The following SLC38A9 variants were observed in gnomAD, a reference collection of about 807,000 sequenced individuals.
SLC38A9 encodes solute carrier family 38 member 9.
A neutral mutation model predicts 62.3 loss-of-function variants in SLC38A9; 48 were observed. The ratio of observed to expected loss-of-function variants is 0.77; its 90% CI spans 0.61 to 0.98. The LOEUF is 0.98. SLC38A9 is among the 50% of genes least tolerant of loss of function. SLC38A9 has a pLI of 0.00. For missense variants in SLC38A9, 541 were observed against 679.8 expected (o/e 0.80, Z 2.27); for synonymous variants, 204 against 227.7 (o/e 0.90, Z 0.94).
intron 12 of SLC38A9, among the ~76,000 whole-genome samples, chr5:55,642,177 T>C (rs1745540534): frequency 6.6e-6 from 1 of 152,056 alleles, no homozygotes; most frequent in Non-Finnish European, 1.5e-5. Context: ...TCCTGAGTAG[T>C]GGGGACTACA....
In SLC38A9 at chr5:55,664,749, A is replaced by G. The variant is rs145115923; in HGVS notation, c.641T>C (p.Ile214Thr). Reference protein sequence around the residue: ...FSLVSLIGAMIVYWVLMSNFL... With the variant: ...FSLVSLIGAMTVYWVLMSNFL... ...ATTTGACATAAGCACCCAATAAACT[A>G]TCATTGCTCCAATGAGAGACACCAA... The change falls in exon 8 of 16, where the codon ATA becomes ACA. Residue 214 changes from isoleucine (I) to threonine (T), a missense_variant. By Grantham distance (89) the Ile-to-Thr change is moderately conservative. Transcript: ENST00000396865. The G allele has an allele frequency of 5.3e-5, 84 of 1,583,290 alleles. No homozygotes were observed. The African/African-American group carries it at 9.7e-4, about 18-fold the overall frequency.
At chr5:55,658,453 C>T (rs959030329) in intron 8 of SLC38A9, among the ~76,000 whole-genome samples, 8 of 152,116 alleles carry the variant, frequency 5.3e-5, no homozygotes, top group Non-Finnish European at 8.8e-5. Context: ...CGCGCCCAGC[C>T]CAATTTATAG....
chr5:55,627,659 T>TG (rs144879154), intron 15 of SLC38A9, among the ~76,000 whole-genome samples: 7,414 of 152,082 alleles, frequency 0.049, 307 homozygotes, highest in African/African-American at 0.11. Flanking sequence ...AAGAAAATGA[T>TG]GCCTGAGGCT....
intron 6 of SLC38A9, 58 bp from the exon 7 acceptor site, chr5:55,669,379 T>C: frequency 6.9e-7 from 1 of 1,453,704 alleles, no homozygotes; most frequent in Non-Finnish European, 9.5e-7. Flanking sequence ...TAAATTCATA[T>C]GCAATTATTT....
chr5:55,650,390 C>G (rs1010774147), intron 10 of SLC38A9, among the ~76,000 whole-genome samples: 1 of 152,016 alleles, frequency 6.6e-6, no homozygotes, highest in Non-Finnish European at 1.5e-5. Flanking sequence ...GGGAAAGTAC[C>G]AAGGAAAAGA....
rs1435143802 is a variant in SLC38A9, at chr5:55,645,366, G to T, written c.1167+423C>A. Among the ~76,000 whole-genome samples, 6 of 152,124 alleles carry T rather than the reference G, an allele frequency of 3.9e-5. No homozygotes were observed. In the East Asian group the frequency reaches 7.7e-4, roughly 20 times the overall value. On this transcript the variant is annotated intron_variant, in intron 12 of 15. Coordinates refer to ENST00000396865, the MANE Select transcript of SLC38A9 (RefSeq NM_173514.4). ...CACCACGCCCAGGGTATCTTTAAAAGATTTTACCACCATTAATGGCTTATT... is the reference window on the plus strand; with the variant it reads ...CACCACGCCCAGGGTATCTTTAAAATATTTTACCACCATTAATGGCTTATT...
chr5:55,634,771 C>T (rs940210176), intron 13 of SLC38A9: 1 of 152,138 alleles, frequency 6.6e-6, no homozygotes, highest in South Asian at 2.1e-4. Flanking sequence ...TAATAAATCA[C>T]ATTAGTATAT....
intron 8 of SLC38A9, among the ~76,000 whole-genome samples, chr5:55,659,223 C>T (rs543392993): frequency 4.0e-5 from 6 of 151,114 alleles, no homozygotes; most frequent in Admixed American, 6.6e-5. Flanking sequence ...CTACAAGCAC[C>T]GCTTCAATGC....
Position 55,645,914 on chromosome 5 carries a change from C to T in SLC38A9, c.1061-19G>A, listed in dbSNP as rs1008832970. The T allele has an allele frequency of 8.6e-6, 13 of 1,508,018 alleles. No individual in the cohort carries two copies. The Admixed American group carries it at 1.2e-4, about 14-fold the overall frequency. The allele number at this position is 1,508,018 out of a possible 1,614,324, so 93.4% of individuals were successfully genotyped here. A position where few individuals can be genotyped will look rare whatever the true frequency, so the allele number is the denominator to read the frequency against. On this transcript the variant is annotated intron_variant, in intron 11 of 15. Coordinates refer to ENST00000396865, the MANE Select transcript of SLC38A9 (RefSeq NM_173514.4). ...CTTATCTCTAGGAGAAAAATAAAAA[C>T]AAGAACATTAAAACTGACAATTAGA... is the stretch of plus-strand genomic sequence containing the variant.
intron 3 of SLC38A9, chr5:55,692,483 AT>A (rs937621007): frequency 1.1e-5 from 3 of 278,476 alleles, no homozygotes; most frequent in Non-Finnish European, 1.6e-5. Flanking sequence ...AGGTACTTAC[AT>A]TTTTTCTCAT....
intron 3 of SLC38A9, among the ~76,000 whole-genome samples, chr5:55,689,968 A>G (rs1439457585): frequency 6.6e-6 from 1 of 152,178 alleles, no homozygotes; most frequent in African/African-American, 2.4e-5. Flanking sequence ...TTGATCTAGG[A>G]AAGAAAGAAG....
chr5:55,656,862 T>TC (rs1162317797), intron 8 of SLC38A9, 88 bp from the exon 9 acceptor site: 4 of 624,628 alleles, frequency 6.4e-6, no homozygotes, highest in Non-Finnish European at 1.0e-5. Context: ...ATAAAAATCT[T>TC]TTTTTTTTCT....
intron 4 of SLC38A9, among the ~76,000 whole-genome samples, chr5:55,672,227 G>GCAGAA (rs1751444098): frequency 6.6e-6 from 1 of 152,090 alleles, no homozygotes. Flanking sequence ...TCCACACTAA[G>GCAGAA]CAGAACATGT....
intron 7 of SLC38A9, among the ~76,000 whole-genome samples, chr5:55,665,827 A>G (rs982356116): frequency 6.6e-6 from 1 of 151,626 alleles, no homozygotes; most frequent in Non-Finnish European, 1.5e-5. Context: ...GCCAGGCGTG[A>G]CAGCGTGCAC....
intron 2 of SLC38A9, among the ~76,000 whole-genome samples, chr5:55,698,255 GA>G (rs11316632): frequency 0.6 from 91,011 of 151,592 alleles, 27,868 homozygotes; most frequent in South Asian, 0.7. Context: ...TTTTCCTGCG[GA>G]AAAAAAACTA....
rs779558450 is a variant in SLC38A9, at chr5:55,697,910, C to T, written c.49G>A (p.Asp17Asn). Residue 17 changes from aspartate to asparagine, a missense_variant, in exon 3 of 16, where the codon GAT (aspartate) becomes AAT (asparagine). Transcript: ENST00000396865. ...DSRHLGTSEV[D>N]HERDPGPMNI... ...ATAGGTCCAGGATCTCTTTCATGAT[C>T]TACCTCAGAGGTGCCAAGATGCCTA... The T allele has an allele frequency of 1.0e-5, 16 of 1,604,812 alleles. No homozygotes were observed. In the South Asian group the frequency reaches 1.6e-4, roughly 16 times the overall value.
Position 55,656,700 on chromosome 5 carries a change from T to C in SLC38A9, c.757+15A>G. ...GTGGAGAGTAAAGAAACAAACAACA[T>C]CCCAAACTACTTACCAGGGTTGCTA... On this transcript the variant is annotated intron_variant, in intron 9 of 15. Coordinates refer to ENST00000396865, the MANE Select transcript of SLC38A9 (RefSeq NM_173514.4). 2 of 1,578,088 alleles carry C rather than the reference T, an allele frequency of 1.3e-6. No homozygotes were observed. The highest frequency in any genetic ancestry group is 2.2e-5 in the South Asian group (2 of 90,156).
chr5:55,640,264 G>A (rs1745228048), intron 12 of SLC38A9, among the ~76,000 whole-genome samples: 1 of 152,154 alleles, frequency 6.6e-6, no homozygotes, highest in Non-Finnish European at 1.5e-5. Flanking sequence ...GGAATTACAG[G>A]TGTGAGCTAC....
In SLC38A9 at chr5:55,664,745, A is replaced by C. The variant is rs1750178250; in HGVS notation, c.645T>G (p.Val215=). Residue 215 remains valine, a synonymous_variant, in exon 8 of 16, where the codon GTT becomes GTG. Transcript: ENST00000396865. Reference sequence around the variant, plus strand: ...GAAAATTTGACATAAGCACCCAATAAACTATCATTGCTCCAATGAGAGACA... The same window carrying C: ...GAAAATTTGACATAAGCACCCAATACACTATCATTGCTCCAATGAGAGACA... ...SLVSLIGAMI[V]YWVLMSNFLF... is the part of the protein sequence containing the mutation. 6.3e-7 allele frequency: 1 copy of C among 1,579,616 alleles called. No individual in the cohort carries two copies. Among genetic ancestry groups the C allele is most frequent in the Non-Finnish European group, 8.6e-7 (1 of 1,168,494 alleles).
Sources: allele counts gnomAD v4.1 joint callset (sites outside exome capture counted in the v4.1 genomes callset), GRCh38; gene constraint gnomAD v4.1.1; transcripts MANE v1.5; gene names NCBI Gene and HGNC (gene_info 2026-07-23, HGNC 2026-07-21).